The following TCF12 variants were observed in gnomAD, a reference collection of about 807,000 sequenced individuals.
TCF12 encodes the protein DNA-binding protein HTF4.
In TCF12, 45 loss-of-function variants were observed where a neutral mutation model predicts 86.0. The ratio of observed to expected loss-of-function variants is 0.52; its 90% CI spans 0.41 to 0.67. The LOEUF (loss-of-function observed/expected upper bound fraction) is 0.67, where lower values mean the gene tolerates loss of function less well. Among genes scored for constraint, TCF12 ranks in the 30% least tolerant of loss-of-function variants. TCF12 has a pLI of 0.00. For missense variants in TCF12, 881 were observed against 859.9 expected (o/e 1.02, Z -0.31); for synonymous variants, 330 against 299.6 (o/e 1.10, Z -1.05).
chr15:56,950,608 T>G (rs532645171), intron 3 of TCF12, among the ~76,000 whole-genome samples: 1 of 152,272 alleles, frequency 6.6e-6, no homozygotes, highest in South Asian at 2.1e-4. Flanking sequence ...ATTTTGAGAT[T>G]CATTTATGTA....
intron 3 of TCF12, among the ~76,000 whole-genome samples, chr15:56,955,369 G>A (rs536569806): frequency 5.0e-4 from 76 of 151,798 alleles, no homozygotes; most frequent in Non-Finnish European, 8.1e-4. Flanking sequence ...CTAGGACACA[G>A]GGTAGGGAAC....
rs182440096 is a variant in TCF12, at chr15:56,944,402, A to G, written c.148+23304A>G. 6.5e-3 allele frequency among the ~76,000 whole-genome samples: 984 copies of G among 152,316 alleles called. 6 individuals carry two copies. Among genetic ancestry groups the G allele is most frequent in the Middle Eastern group, 0.024 (7 of 294 alleles). On this transcript the variant is annotated intron_variant, in intron 3 of 20. Coordinates refer to ENST00000333725, the MANE Select transcript of TCF12 (RefSeq NM_207037.2). ...AGCAAGATAATACTTATCTAAATAA[A>G]TAATTGTGGGTTAGATATGTTGTCT...
At chr15:56,937,825 T>C (rs576451272) in intron 3 of TCF12, among the ~76,000 whole-genome samples, 1 of 152,284 alleles carries the variant, frequency 6.6e-6, no homozygotes, top group South Asian at 2.1e-4. Context: ...GACTTTTGTT[T>C]TTAGGTCTGT....
At chr15:57,265,744 A>T (rs1279168239) in intron 18 of TCF12, among the ~76,000 whole-genome samples, 2 of 152,194 alleles carry the variant, frequency 1.3e-5, no homozygotes, top group Admixed American at 1.3e-4. Context: ...CCAAGAACTG[A>T]TCAATGACAT....
chr15:57,217,220 T>C (rs1448104145), intron 8 of TCF12, among the ~76,000 whole-genome samples: 1 of 152,196 alleles, frequency 6.6e-6, no homozygotes, highest in Admixed American at 6.5e-5. Flanking sequence ...TGTTTAACAC[T>C]AAATCTTACT....
At chr15:57,172,707 A>T (rs1246538569) in intron 6 of TCF12, among the ~76,000 whole-genome samples, 1 of 152,114 alleles carries the variant, frequency 6.6e-6, no homozygotes, top group Non-Finnish European at 1.5e-5. Flanking sequence ...TGATGAAATA[A>T]CGTGTACAAA....
chr15:57,073,627 C>T (rs1436213564), intron 4 of TCF12, among the ~76,000 whole-genome samples: 1 of 152,222 alleles, frequency 6.6e-6, no homozygotes. Flanking sequence ...TTTATCCAGG[C>T]TGTCTCTAAA....
At position 57,028,469 on chromosome 15, in the gene TCF12, T is replaced by A. The variant is rs553540462; in HGVS notation, c.149-35281T>A. ...TTTGCATTTCCCTGATGTTTGACGA[T>A]GTTGGACATTTTTTCATGTGCTTAT... On this transcript the variant is annotated intron_variant, in intron 3 of 20. Coordinates refer to ENST00000333725, the MANE Select transcript of TCF12 (RefSeq NM_207037.2). Among the ~76,000 whole-genome samples the A allele has an allele frequency of 7.2e-5, 11 of 152,352 alleles. No individual in the cohort carries two copies. In the South Asian group the frequency reaches 2.1e-3, roughly 29 times the overall value.
At chr15:57,093,574 G>A (rs1425996588) in intron 5 of TCF12, among the ~76,000 whole-genome samples, 3 of 152,176 alleles carry the variant, frequency 2.0e-5, no homozygotes, top group African/African-American at 7.2e-5. Context: ...CGGGACAAGT[G>A]TGGAAATTAA....
rs145128857 is a variant in TCF12, at chr15:56,968,236, C to T, written c.148+47138C>T. Among the ~76,000 whole-genome samples, 17 of 152,252 alleles carry T rather than the reference C, an allele frequency of 1.1e-4. No homozygotes were observed. In the East Asian group the frequency reaches 2.9e-3, roughly 26 times the overall value. On this transcript the variant is annotated intron_variant, in intron 3 of 20. Coordinates refer to ENST00000333725, the MANE Select transcript of TCF12 (RefSeq NM_207037.2). Reference sequence around the variant, plus strand: ...CCTCCCAAAGTGCTGGGATTATAAGCGTGAGCCACTGCGCGCAGTCAAGAA... The same window carrying T: ...CCTCCCAAAGTGCTGGGATTATAAGTGTGAGCCACTGCGCGCAGTCAAGAA...
At chr15:56,979,070 G>T (rs2062756900) in intron 3 of TCF12, among the ~76,000 whole-genome samples, 1 of 152,160 alleles carries the variant, frequency 6.6e-6, no homozygotes, top group Non-Finnish European at 1.5e-5. Flanking sequence ...AACATGCAGT[G>T]TTTGGATGGC....
At chr15:56,919,753 G>T (rs2059690847) in intron 1 of TCF12, 139 bp from the exon 2 acceptor site, 1 of 658,698 alleles carries the variant, frequency 1.5e-6, no homozygotes, top group Non-Finnish European at 2.5e-6. Flanking sequence ...CTCGCGCCGC[G>T]GTGGGAGCGA....
intron 3 of TCF12, among the ~76,000 whole-genome samples, chr15:57,051,756 C>G (rs555362693): frequency 6.6e-6 from 1 of 152,298 alleles, no homozygotes; most frequent in East Asian, 1.9e-4. Context: ...TGGTTTTGTT[C>G]TTTGCTTTCT....
chr15:57,050,574 G>T (rs185653740), intron 3 of TCF12, among the ~76,000 whole-genome samples: 1 of 152,104 alleles, frequency 6.6e-6, no homozygotes, highest in Admixed American at 6.5e-5. Flanking sequence ...CGAGTTCATT[G>T]GATCTACAGT....
chr15:56,990,621 ACTACT>A (rs2063405073), intron 3 of TCF12, among the ~76,000 whole-genome samples: 3 of 152,222 alleles, frequency 2.0e-5, no homozygotes, highest in South Asian at 2.1e-4. Flanking sequence ...TGTTATTAAC[ACTACT>A]CTACATATCT....
chr15:57,019,906 A>T (rs2065372862), intron 3 of TCF12, among the ~76,000 whole-genome samples: 1 of 151,784 alleles, frequency 6.6e-6, no homozygotes, highest in Admixed American at 6.6e-5. Flanking sequence ...CTGAGCAAGG[A>T]GGGGGATTAG....
intron 3 of TCF12, among the ~76,000 whole-genome samples, chr15:57,007,982 T>G (rs957831699): frequency 6.6e-6 from 1 of 150,640 alleles, no homozygotes; most frequent in Non-Finnish European, 1.5e-5. Context: ...TCTCTCGCTC[T>G]CTCTCTCTCT....
At chr15:57,211,827 G>T (rs1372393897) in intron 8 of TCF12, among the ~76,000 whole-genome samples, 1 of 152,178 alleles carries the variant, frequency 6.6e-6, no homozygotes, top group Non-Finnish European at 1.5e-5. Flanking sequence ...GGTAGCACAC[G>T]CCTGTAATCC....
At chr15:57,163,950 AATAG>A (rs1225341952) in intron 5 of TCF12, among the ~76,000 whole-genome samples, 1 of 152,156 alleles carries the variant, frequency 6.6e-6, no homozygotes, top group Non-Finnish European at 1.5e-5. Flanking sequence ...CCGGTTTCTA[AATAG>A]ATAGGGAATT....
Sources: gnomAD v4.1 joint callset for allele counts (sites outside exome capture counted in the v4.1 genomes callset) on GRCh38, gnomAD v4.1.1 for gene constraint, MANE v1.5 for transcripts, NCBI Gene and HGNC (gene_info 2026-07-23, HGNC 2026-07-21) for gene names.